The following EPHA6 variants were observed in gnomAD, a reference collection of about 807,000 sequenced individuals.
The protein encoded by EPHA6 is ephrin type-A receptor 6.
A neutral mutation model predicts 112.0 loss-of-function variants in EPHA6; 50 were observed. That is an observed-to-expected ratio of 0.45 (90% CI 0.36 to 0.56). The LOEUF (loss-of-function observed/expected upper bound fraction) is 0.56. EPHA6 is among the 20% of genes least tolerant of loss of function. The pLI is 0.00. For missense variants in EPHA6, 1,280 were observed against 1,417.4 expected (o/e 0.90, Z 1.56); for synonymous variants, 529 against 490.7 (o/e 1.08, Z -1.03).
chr3:96,894,167 C>G (rs2038135312), intron 2 of EPHA6, among the ~76,000 whole-genome samples: 1 of 152,112 alleles, frequency 6.6e-6, no homozygotes, highest in Non-Finnish European at 1.5e-5. Flanking sequence ...GAAAACACCT[C>G]AGGGTCTTCA....
intron 6 of EPHA6, among the ~76,000 whole-genome samples, chr3:97,427,056 T>C (rs1251638092): frequency 6.6e-6 from 1 of 152,062 alleles, no homozygotes; most frequent in African/African-American, 2.4e-5. Context: ...ACTAGCGAGG[T>C]TGCAGAGAAA....
At chr3:97,535,364 G>C (rs1162588277) in intron 11 of EPHA6, among the ~76,000 whole-genome samples, 2 of 152,102 alleles carry the variant, frequency 1.3e-5, no homozygotes, top group African/African-American at 2.4e-5. Context: ...AACGGATTGA[G>C]AAAGGATAGA....
chr3:97,551,461 G>C (rs1443621940), intron 11 of EPHA6, among the ~76,000 whole-genome samples: 1 of 152,066 alleles, frequency 6.6e-6, no homozygotes, highest in South Asian at 2.1e-4. Context: ...AGACATCAGT[G>C]ATTTTTTTTC....
intron 7 of EPHA6, among the ~76,000 whole-genome samples, chr3:97,454,008 A>T (rs2090603514): frequency 6.6e-6 from 1 of 151,730 alleles, no homozygotes; most frequent in Non-Finnish European, 1.5e-5. Flanking sequence ...ATTTCTATCG[A>T]TTTCTGCAAA....
chr3:97,725,011 T>A (rs2034697206), intron 15 of EPHA6, among the ~76,000 whole-genome samples: 1 of 152,036 alleles, frequency 6.6e-6, no homozygotes, highest in Admixed American at 6.6e-5. Flanking sequence ...GTTCTTTTGA[T>A]TACAAATGAA....
Position 97,756,787 on chromosome 3 carries a change from T to C in EPHA6, c.*8086T>C, listed in dbSNP as rs1247410015. Reference sequence around the variant, plus strand: ...TTAACAAATATGAACATGAGTAACATTTGATGTAAAGATTATGGTGTGTGC... The same window carrying C: ...TTAACAAATATGAACATGAGTAACACTTGATGTAAAGATTATGGTGTGTGC... On this transcript the variant is annotated 3_prime_UTR_variant, in exon 18 of 18. Coordinates refer to ENST00000389672, the MANE Select transcript of EPHA6 (RefSeq NM_001080448.3). Among the ~76,000 whole-genome samples, 1 of 151,796 alleles carries C rather than the reference T, an allele frequency of 6.6e-6. No homozygotes were observed. Among genetic ancestry groups the C allele is most frequent in the Non-Finnish European group, 1.5e-5 (1 of 67,762 alleles).
intron 5 of EPHA6, among the ~76,000 whole-genome samples, chr3:97,321,079 C>T (rs550664063): frequency 1.6e-4 from 25 of 151,910 alleles, no homozygotes; most frequent in African/African-American, 3.6e-4. Flanking sequence ...AGATTCATCA[C>T]GGTGGAAATG....
intron 13 of EPHA6, among the ~76,000 whole-genome samples, chr3:97,636,545 G>T (rs2093947037): frequency 6.6e-6 from 1 of 152,048 alleles, no homozygotes; most frequent in African/African-American, 2.4e-5. Flanking sequence ...CTGCACTTGA[G>T]TTGGGAGATA....
chr3:97,538,693 G>A (rs562638859), intron 11 of EPHA6, among the ~76,000 whole-genome samples: 1 of 152,178 alleles, frequency 6.6e-6, no homozygotes, highest in Non-Finnish European at 1.5e-5. Flanking sequence ...TGAGAGAGAG[G>A]TCAATAGAAT....
chr3:97,324,527 T>TTCTTTCTTTCTTTCTC (rs1553746479), intron 5 of EPHA6, among the ~76,000 whole-genome samples: 8 of 141,910 alleles, frequency 5.6e-5, no homozygotes, highest in Non-Finnish European at 1.2e-4. Context: ...CTTTCTTTCT[T>TTCTTTCTTTCTTTCTC]TCTTTCTCTC....
chr3:97,436,089 A>C (rs2107255599), intron 6 of EPHA6, among the ~76,000 whole-genome samples: 1 of 152,194 alleles, frequency 6.6e-6, no homozygotes, highest in Middle Eastern at 3.4e-3. Flanking sequence ...ACAAGCCTTT[A>C]TTTTATGTTA....
Position 97,736,090 on chromosome 3 carries a change from C to T in EPHA6, c.3100C>T (p.Leu1034Phe). 6.2e-7 allele frequency: 1 copy of T among 1,612,150 alleles called. No individual in the cohort carries two copies. The highest frequency in any genetic ancestry group is 8.5e-7 in the Non-Finnish European group (1 of 1,178,940). Residue 1034 changes from leucine (L) to phenylalanine (F), a missense_variant, in exon 16 of 18, where the codon CTT (leucine) becomes TTT (phenylalanine). Transcript: ENST00000389672. ...LDKLIRNPSA[L>F]HTLVEDILVM... ...CAAACTGATCCGAAATCCCAGTGCC[C>T]TTCACACCCTGGTGGAGGACATCCT...
At chr3:97,169,560 A>C (rs1354261709) in intron 3 of EPHA6, among the ~76,000 whole-genome samples, 1 of 152,062 alleles carries the variant, frequency 6.6e-6, no homozygotes, top group African/African-American at 2.4e-5. Flanking sequence ...AGGCTTATTA[A>C]AGCCTCTCTT....
At chr3:97,352,611 T>G (rs187928099) in intron 5 of EPHA6, among the ~76,000 whole-genome samples, 2 of 152,236 alleles carry the variant, frequency 1.3e-5, no homozygotes, top group African/African-American at 4.8e-5. Context: ...CAGCCCTAGC[T>G]AGAGGGGAGG....
chr3:97,075,101 G>A (rs542230250), intron 3 of EPHA6, among the ~76,000 whole-genome samples: 3 of 151,914 alleles, frequency 2.0e-5, no homozygotes, highest in East Asian at 3.9e-4. Context: ...CAAAACAATG[G>A]AATTATATTA....
chr3:97,081,384 A>C (rs1180733166), intron 3 of EPHA6, among the ~76,000 whole-genome samples: 1 of 152,000 alleles, frequency 6.6e-6, no homozygotes, highest in African/African-American at 2.4e-5. Context: ...CAAAAACAGC[A>C]GTTCAAAGAA....
At chr3:97,384,641 G>A (rs2085952991) in intron 5 of EPHA6, among the ~76,000 whole-genome samples, 1 of 152,132 alleles carries the variant, frequency 6.6e-6, no homozygotes, top group African/African-American at 2.4e-5. Flanking sequence ...CTTTTGAAAG[G>A]TTAATCTAAT....
At chr3:97,216,555 C>G (rs2078040582) in intron 3 of EPHA6, among the ~76,000 whole-genome samples, 1 of 152,130 alleles carries the variant, frequency 6.6e-6, no homozygotes, top group African/African-American at 2.4e-5. Flanking sequence ...GGGGGATAGG[C>G]CCCTTTCATC....
At chr3:96,911,444 G>A (rs1335266556) in intron 2 of EPHA6, among the ~76,000 whole-genome samples, 5 of 151,848 alleles carry the variant, frequency 3.3e-5, no homozygotes, top group Admixed American at 3.3e-4. Flanking sequence ...TAAAAGTTTA[G>A]GTAGATATAG....
Sources: allele counts gnomAD v4.1 joint callset (sites outside exome capture counted in the v4.1 genomes callset), GRCh38; gene constraint gnomAD v4.1.1; transcripts MANE v1.5; gene names NCBI Gene and HGNC (gene_info 2026-07-23, HGNC 2026-07-21).